The following DNAI7 variants were observed in gnomAD, a reference collection of about 807,000 sequenced individuals.
DNAI7 encodes the protein cancer susceptibility 1.
In DNAI7, 78 loss-of-function variants were observed where a neutral mutation model predicts 86.6. The ratio of observed to expected loss-of-function variants is 0.90; its 90% CI spans 0.75 to 1.09. The LOEUF (loss-of-function observed/expected upper bound fraction) is 1.09, where lower values mean the gene tolerates loss of function less well. Ranked by LOEUF, DNAI7 falls within the 50% of genes least tolerant of loss-of-function variation. The probability of loss-of-function intolerance (pLI) is 0.00; values close to 1 mark genes in which losing one functional copy is unlikely to be tolerated. For missense variants in DNAI7, 753 were observed against 810.2 expected, an observed-to-expected ratio of 0.93 and a Z score of 0.86; for synonymous variants, 274 against 273.0, an observed-to-expected ratio of 1.00 and a Z score of -0.04.
chr12:25,122,448 CAAA>C (rs34138209), intron 10 of DNAI7, among the ~76,000 whole-genome samples: 2 of 76,702 alleles, frequency 2.6e-5, no homozygotes, highest in East Asian at 3.5e-4. Flanking sequence ...GATCTCATCT[CAAA>C]AAAAAAAAAA....
intron 12 of DNAI7, among the ~76,000 whole-genome samples, chr12:25,118,312 G>A (rs935400460): frequency 6.6e-6 from 1 of 151,950 alleles, no homozygotes; most frequent in African/African-American, 2.4e-5. Flanking sequence ...GGCCCAGACT[G>A]GAGTACAGTG....
chr12:25,117,934 T>C (rs12369626), intron 12 of DNAI7, among the ~76,000 whole-genome samples: 3 of 73,672 alleles, frequency 4.1e-5, no homozygotes, highest in Non-Finnish European at 7.5e-5. Flanking sequence ...GATATTTTCT[T>C]TTTCTTTTTT....
chr12:25,125,066 G>A (rs2140506987), intron 9 of DNAI7, among the ~76,000 whole-genome samples: 1 of 152,240 alleles, frequency 6.6e-6, no homozygotes, highest in South Asian at 2.1e-4. Context: ...TGTGAAGAGT[G>A]CTACAATGAA....
intron 9 of DNAI7, among the ~76,000 whole-genome samples, chr12:25,127,463 G>T (rs1186752368): frequency 6.6e-6 from 1 of 152,012 alleles, no homozygotes; most frequent in Non-Finnish European, 1.5e-5. Flanking sequence ...AACTTTAATA[G>T]TATTTTGTCA....
chr12:25,133,399 T>A (rs1943164386), intron 9 of DNAI7, among the ~76,000 whole-genome samples: 2 of 152,232 alleles, frequency 1.3e-5, no homozygotes, highest in African/African-American at 4.8e-5. Flanking sequence ...ATAAATCTAG[T>A]GATTTTTGCT....
chr12:25,118,002 C>T (rs1473001054), intron 12 of DNAI7, among the ~76,000 whole-genome samples: 19 of 143,702 alleles, frequency 1.3e-4, no homozygotes, highest in Admixed American at 9.5e-4. Flanking sequence ...GGCGCAATCT[C>T]GGCTCACTGC....
chr12:25,138,377 C>T (rs753801013), intron 9 of DNAI7, among the ~76,000 whole-genome samples: 4 of 152,168 alleles, frequency 2.6e-5, no homozygotes, highest in Non-Finnish European at 4.4e-5. Context: ...GCAGGAGAAT[C>T]ACTGGAACCC....
At chr12:25,173,375 A>T (rs1948349619) in intron 2 of DNAI7, among the ~76,000 whole-genome samples, 1 of 152,188 alleles carries the variant, frequency 6.6e-6, no homozygotes, top group South Asian at 2.1e-4. Flanking sequence ...TGATCTGGGA[A>T]ATGCAAATCA....
At chr12:25,119,736 C>T (rs963552790) in intron 11 of DNAI7, among the ~76,000 whole-genome samples, 7 of 152,086 alleles carry the variant, frequency 4.6e-5, no homozygotes, top group South Asian at 2.1e-4. Flanking sequence ...GAAAAAGAAA[C>T]ATATAGACAA....
At chr12:25,107,862 C>T, downstream of DNAI7, 1 of 1,614,020 alleles carries the variant, frequency 6.2e-7, no homozygotes, top group Non-Finnish European at 8.5e-7. Flanking sequence ...AGTCCTCCAT[C>T]AGAAAGGCTA....
At chr12:25,130,759 C>T (rs145432610) in intron 9 of DNAI7, among the ~76,000 whole-genome samples, 1 of 152,150 alleles carries the variant, frequency 6.6e-6, no homozygotes, top group East Asian at 1.9e-4. Flanking sequence ...AAATGTGCTA[C>T]ACTTAAATTA....
Position 25,176,311 on chromosome 12 carries a change from T to G in DNAI7, c.21+14303A>C, listed in dbSNP as rs577741707. 2.6e-4 allele frequency among the ~76,000 whole-genome samples: 39 copies of G among 152,216 alleles called. No homozygotes were observed. The East Asian group carries it at 7.5e-3, about 29-fold the overall frequency. On this transcript the variant is annotated intron_variant, in intron 2 of 15. Transcript: ENST00000395987. ...TGAATAAAAATTTAAATTAAAAAAT[T>G]TATTTCCTTTGTCTCTAAGTATTAA...
chr12:25,116,561 G>T (rs1450062366), intron 12 of DNAI7, among the ~76,000 whole-genome samples: 1 of 151,810 alleles, frequency 6.6e-6, no homozygotes, highest in African/African-American at 2.4e-5. Flanking sequence ...GTAAAATGGT[G>T]CGATCTCAGC....
chr12:25,179,551 A>G (rs932595498), intron 2 of DNAI7, among the ~76,000 whole-genome samples: 2 of 152,118 alleles, frequency 1.3e-5, no homozygotes, highest in African/African-American at 4.8e-5. Context: ...AAGGCTTTGT[A>G]AGTAGGTATA....
chr12:25,130,445 A>C (rs1942757192), intron 9 of DNAI7, among the ~76,000 whole-genome samples: 1 of 152,032 alleles, frequency 6.6e-6, no homozygotes, highest in Non-Finnish European at 1.5e-5. Flanking sequence ...GCTGAGGCAG[A>C]AGAATGGCAT....
chr12:25,112,399 G>GTTTTTTTTTTTT (rs10602859), intron 13 of DNAI7, among the ~76,000 whole-genome samples: 2 of 104,298 alleles, frequency 1.9e-5, no homozygotes, highest in African/African-American at 4.4e-5. Flanking sequence ...TTCACATCTG[G>GTTTTTTTTTTTT]TTTTTTTTTT....
At chr12:25,181,123 G>A (rs1236635215) in intron 2 of DNAI7, among the ~76,000 whole-genome samples, 1 of 151,922 alleles carries the variant, frequency 6.6e-6, no homozygotes, top group Non-Finnish European at 1.5e-5. Context: ...TTTTTTTTAA[G>A]AGACAGAGTC....
At chr12:25,164,812 C>T (rs563228299) in intron 2 of DNAI7, among the ~76,000 whole-genome samples, 1 of 152,032 alleles carries the variant, frequency 6.6e-6, no homozygotes, top group Non-Finnish European at 1.5e-5. Context: ...CTCCCCTCCT[C>T]ACCAGGCCGA....
chr12:25,129,746 GTTTATT>G (rs1448463805), intron 9 of DNAI7, among the ~76,000 whole-genome samples: 7 of 142,980 alleles, frequency 4.9e-5, no homozygotes, highest in Non-Finnish European at 1.1e-4. Flanking sequence ...TTTATTTTGG[GTTTATT>G]TTTATTTTAT....
Sources: allele counts gnomAD v4.1 joint callset (sites outside exome capture counted in the v4.1 genomes callset), GRCh38; gene constraint gnomAD v4.1.1; transcripts MANE v1.5; gene names NCBI Gene and HGNC (gene_info 2026-07-23, HGNC 2026-07-21).